The following QTMAN variants were observed in gnomAD, a reference collection of about 807,000 sequenced individuals.
The protein encoded by QTMAN is tRNA-queuosine alpha-mannosyltransferase.
At chr2:143,987,481 C>T in the QTMAN span, among the ~76,000 whole-genome samples, 1 of 152,184 alleles carries the variant, frequency 6.6e-6, no homozygotes, top group Non-Finnish European at 1.5e-5. Flanking sequence ...GAAGCGTTGC[C>T]TGACTTTTCC....
the QTMAN span, among the ~76,000 whole-genome samples, chr2:144,074,761 T>C: frequency 5.9e-5 from 9 of 152,200 alleles, no homozygotes; most frequent in South Asian, 2.1e-4. Context: ...CTTTTCACTA[T>C]AGCAAACACT....
At chr2:144,165,598 AC>A in the QTMAN span, among the ~76,000 whole-genome samples, 1 of 152,070 alleles carries the variant, frequency 6.6e-6, no homozygotes, top group Non-Finnish European at 1.5e-5. Context: ...TAGACTTCTC[AC>A]CCAACCTTCA....
chr2:144,122,598 T>C, the QTMAN span, among the ~76,000 whole-genome samples: 151,096 of 152,262 alleles, frequency 0.99, 74,981 homozygotes, highest in East Asian at 1. Context: ...TATCTGGTCA[T>C]CCTATTTCAA....
chr2:144,118,289 A>G, the QTMAN span, among the ~76,000 whole-genome samples: 2 of 152,186 alleles, frequency 1.3e-5, no homozygotes, highest in Non-Finnish European at 2.9e-5. Context: ...AGCATGCTAT[A>G]AAAATGCCAT....
chr2:144,145,382 T>A, the QTMAN span, among the ~76,000 whole-genome samples: 1 of 151,896 alleles, frequency 6.6e-6, no homozygotes, highest in African/African-American at 2.4e-5. Flanking sequence ...GTTACATATA[T>A]GTATTTTTAT....
At chr2:144,271,818 A>G in the QTMAN span, among the ~76,000 whole-genome samples, 1 of 152,188 alleles carries the variant, frequency 6.6e-6, no homozygotes, top group African/African-American at 2.4e-5. Context: ...GAAACGAACT[A>G]TTCCACTACC....
chr2:144,064,452 G>T, the QTMAN span, among the ~76,000 whole-genome samples: 4 of 152,116 alleles, frequency 2.6e-5, no homozygotes, highest in Admixed American at 6.6e-5. Context: ...AGTATTATAA[G>T]ATAATATACA....
chr2:144,185,468 C>T, the QTMAN span, among the ~76,000 whole-genome samples: 1 of 152,178 alleles, frequency 6.6e-6, no homozygotes, highest in Admixed American at 6.5e-5. Flanking sequence ...ATTGGACGCA[C>T]CAGCTGGAAA....
At chr2:144,253,092 A>G in the QTMAN span, among the ~76,000 whole-genome samples, 1 of 152,226 alleles carries the variant, frequency 6.6e-6, no homozygotes, top group Admixed American at 6.5e-5. Flanking sequence ...TGTTCTCATG[A>G]TAGTGAGTTG....
the QTMAN span, among the ~76,000 whole-genome samples, chr2:144,238,873 T>C: frequency 6.6e-6 from 1 of 152,076 alleles, no homozygotes; most frequent in African/African-American, 2.4e-5. Context: ...AACCAATTAC[T>C]TATTCTCATT....
the QTMAN span, among the ~76,000 whole-genome samples, chr2:143,950,015 G>T: frequency 2.0e-5 from 3 of 151,494 alleles, no homozygotes; most frequent in Non-Finnish European, 4.4e-5. Flanking sequence ...TTAATTTTTA[G>T]ACAATATCAC....
the QTMAN span, among the ~76,000 whole-genome samples, chr2:144,083,737 T>C: frequency 6.6e-6 from 1 of 152,116 alleles, no homozygotes; most frequent in Non-Finnish European, 1.5e-5. Context: ...TGATGGAAGC[T>C]ATGGTTCCGC....
the QTMAN span, among the ~76,000 whole-genome samples, chr2:144,200,871 T>C: frequency 1.3e-5 from 2 of 152,198 alleles, no homozygotes; most frequent in Non-Finnish European, 2.9e-5. Context: ...GTAGAAGAGA[T>C]GATATCTTTA....
At chr2:144,247,275 A>T in the QTMAN span, among the ~76,000 whole-genome samples, 1 of 152,218 alleles carries the variant, frequency 6.6e-6, no homozygotes, top group African/African-American at 2.4e-5. Context: ...ATGGAAAATT[A>T]TAAGTAGTTC....
chr2:144,142,112 T>G, the QTMAN span: 19 of 1,273,000 alleles, frequency 1.5e-5, no homozygotes, highest in East Asian at 2.8e-4. Context: ...AGAGTAATTT[T>G]TATCAACCTA....
At chr2:144,094,609 A>G in the QTMAN span, among the ~76,000 whole-genome samples, 2 of 152,094 alleles carry the variant, frequency 1.3e-5, no homozygotes, top group African/African-American at 4.8e-5. Flanking sequence ...ATCTCATGAA[A>G]CTCACTCATT....
At chr2:144,021,405 C>G in the QTMAN span, among the ~76,000 whole-genome samples, 7,809 of 152,132 alleles carry the variant, frequency 0.051, 329 homozygotes, top group African/African-American at 0.11. Flanking sequence ...TCTTACGTAC[C>G]CTTTTTCTTG....
At chr2:144,208,862 A>C in the QTMAN span, 10 of 988,136 alleles carry the variant, frequency 1.0e-5, no homozygotes, top group Non-Finnish European at 1.4e-5. Context: ...TAAAATTTTT[A>C]ATAAAAATAA....
At chr2:143,959,294 T>A in the QTMAN span, among the ~76,000 whole-genome samples, 1 of 152,060 alleles carries the variant, frequency 6.6e-6, no homozygotes, top group Non-Finnish European at 1.5e-5. Context: ...CTGACATTTT[T>A]TATAAGCACT....
Sources: allele counts gnomAD v4.1 joint callset (sites outside exome capture counted in the v4.1 genomes callset), GRCh38; gene constraint gnomAD v4.1.1; transcripts MANE v1.5; gene names NCBI Gene and HGNC (gene_info 2026-07-23, HGNC 2026-07-21).